The following KLRG1 variants were observed in gnomAD, a reference collection of about 807,000 sequenced individuals.
KLRG1 encodes the protein killer cell lectin-like receptor subfamily G member 1.
In KLRG1, 16 loss-of-function variants were observed where a neutral mutation model predicts 21.8. That is an observed-to-expected ratio of 0.73 (90% CI 0.50 to 1.11). KLRG1 has a LOEUF of 1.11. Ranked by LOEUF, KLRG1 falls within the 50% of genes most tolerant of loss-of-function variation. The pLI is 0.00. For missense variants in KLRG1, 173 were observed against 218.3 expected (o/e 0.79, Z 1.31); for synonymous variants, 69 against 75.9 (o/e 0.91, Z 0.47).
the KLRG1 span, among the ~76,000 whole-genome samples, chr12:9,017,384 G>A: frequency 2.0e-5 from 3 of 151,784 alleles, no homozygotes; most frequent in Non-Finnish European, 2.9e-5. Flanking sequence ...TGGCAAACTG[G>A]GTTCAACAAC....
At chr12:9,185,999 G>T in the KLRG1 span, among the ~76,000 whole-genome samples, 3 of 151,576 alleles carry the variant, frequency 2.0e-5, no homozygotes, top group Non-Finnish European at 4.4e-5. Context: ...GTAGAGATGG[G>T]GTTTCACCAT....
chr12:8,955,176 G>A (rs1265719883), intron 1 of KLRG1, among the ~76,000 whole-genome samples: 2 of 152,088 alleles, frequency 1.3e-5, no homozygotes, highest in African/African-American at 4.8e-5. Context: ...GCCTCCCAAA[G>A]TGCTGGGATT....
At chr12:9,022,259 AGTTT>A in the KLRG1 span, among the ~76,000 whole-genome samples, 2 of 152,140 alleles carry the variant, frequency 1.3e-5, no homozygotes, top group Non-Finnish European at 2.9e-5. Flanking sequence ...CAGCACAGTG[AGTTT>A]GTTTGCACCT....
chr12:9,176,488 A>C, the KLRG1 span, among the ~76,000 whole-genome samples: 139 of 152,320 alleles, frequency 9.1e-4, no homozygotes, highest in Middle Eastern at 0.017. Context: ...AATAAATAAA[A>C]CGCAGTCCAT....
the KLRG1 span, among the ~76,000 whole-genome samples, chr12:9,094,475 A>G: frequency 6.6e-6 from 1 of 151,274 alleles, no homozygotes; most frequent in East Asian, 1.9e-4. Flanking sequence ...AGTGAATTCC[A>G]TAGAGCCAAC....
the KLRG1 span, among the ~76,000 whole-genome samples, chr12:9,164,581 TCTTC>T: frequency 6.6e-6 from 1 of 152,222 alleles, no homozygotes; most frequent in Non-Finnish European, 1.5e-5. Flanking sequence ...TTTCATAGTT[TCTTC>T]CTTCCTTTCT....
At chr12:9,165,362 G>C in the KLRG1 span, 2 of 1,613,990 alleles carry the variant, frequency 1.2e-6, no homozygotes, top group South Asian at 2.2e-5. Flanking sequence ...AGCCACACCT[G>C]ATGAGCTGGG....
chr12:9,144,422 C>T, the KLRG1 span, among the ~76,000 whole-genome samples: 1 of 152,172 alleles, frequency 6.6e-6, no homozygotes, highest in Non-Finnish European at 1.5e-5. Flanking sequence ...GCCAGAGACT[C>T]TCAGGATCCA....
At chr12:9,104,309 G>A in the KLRG1 span, 5 of 1,612,690 alleles carry the variant, frequency 3.1e-6, no homozygotes, top group African/African-American at 1.3e-5. Context: ...ATGCTCATCC[G>A]TGGTAGCATT....
the KLRG1 span, among the ~76,000 whole-genome samples, chr12:9,017,738 C>T: frequency 6.6e-6 from 1 of 152,066 alleles, no homozygotes; most frequent in Non-Finnish European, 1.5e-5. Flanking sequence ...CACCGTTATT[C>T]AATATAGTAC....
At chr12:9,192,515 G>A in the KLRG1 span, 11 of 1,611,508 alleles carry the variant, frequency 6.8e-6, no homozygotes, top group Admixed American at 3.3e-5. Flanking sequence ...TTCTTACCAG[G>A]TAATGGAAAC....
the KLRG1 span, among the ~76,000 whole-genome samples, chr12:9,038,361 G>C: frequency 1.3e-5 from 2 of 152,182 alleles, no homozygotes; most frequent in Admixed American, 6.5e-5. Context: ...TGAAGCTGCT[G>C]TCTATAGGTA....
chr12:9,068,653 G>T, the KLRG1 span: 1 of 1,058,096 alleles, frequency 9.5e-7, no homozygotes, highest in Non-Finnish European at 1.4e-6. Context: ...ATTACTTAAT[G>T]TAATAAATAA....
At chr12:9,160,686 G>A in the KLRG1 span, among the ~76,000 whole-genome samples, 10 of 152,188 alleles carry the variant, frequency 6.6e-5, no homozygotes, top group Middle Eastern at 3.4e-3. Context: ...AGGCCGAGGC[G>A]GGCGGATCAT....
At chr12:9,107,239 G>A in the KLRG1 span, among the ~76,000 whole-genome samples, 1 of 152,128 alleles carries the variant, frequency 6.6e-6, no homozygotes, top group African/African-American at 2.4e-5. Flanking sequence ...GCCAGCTAAG[G>A]CAATTAAGAG....
chr12:9,093,497 A>G, the KLRG1 span: 1 of 1,613,652 alleles, frequency 6.2e-7, no homozygotes, highest in African/African-American at 1.3e-5. Context: ...TCCATGTCTC[A>G]GGGAAGTACT....
At chr12:9,046,186 C>G in the KLRG1 span, among the ~76,000 whole-genome samples, 1 of 152,020 alleles carries the variant, frequency 6.6e-6, no homozygotes, top group Non-Finnish European at 1.5e-5. Flanking sequence ...GAGCTTGAAA[C>G]TGAAAATTTC....
chr12:9,117,840 A>T, the KLRG1 span, among the ~76,000 whole-genome samples: 7 of 151,688 alleles, frequency 4.6e-5, no homozygotes, highest in East Asian at 1.3e-3. Context: ...CCAAAATATG[A>T]TCATTTCAAC....
chr12:9,107,610 T>C, the KLRG1 span: 1 of 1,614,022 alleles, frequency 6.2e-7, no homozygotes, highest in Non-Finnish European at 8.5e-7. Flanking sequence ...ATGCTCACAG[T>C]CACATGTCCA....
Sources: gnomAD v4.1 joint callset for allele counts (sites outside exome capture counted in the v4.1 genomes callset) on GRCh38, gnomAD v4.1.1 for gene constraint, MANE v1.5 for transcripts, NCBI Gene and HGNC (gene_info 2026-07-23, HGNC 2026-07-21) for gene names.